Variants in GNA15 observed in about 807,000 individuals in gnomAD.
GNA15 encodes the protein G protein subunit alpha 15, also known as guanine nucleotide-binding protein subunit alpha-15.
A neutral mutation model predicts 40.1 loss-of-function variants in GNA15; 23 were observed. That is an observed-to-expected ratio of 0.57 (90% CI 0.41 to 0.81). GNA15 has a LOEUF of 0.81. GNA15 is among the 40% of genes least tolerant of loss of function. The probability of loss-of-function intolerance (pLI) is 0.00; values close to 1 mark genes in which losing one functional copy is unlikely to be tolerated. For synonymous variants in GNA15, 226 were observed against 210.4 expected (o/e 1.07, Z -0.64); for missense variants, 522 against 515.8 (o/e 1.01, Z -0.12).
rs557123786 is a variant in GNA15 at position 3,151,071 on chromosome 19, G to A, written c.486-636G>A. 6.6e-6 allele frequency among the ~76,000 whole-genome samples: 1 copy of A among 151,572 alleles called. No individual in the cohort carries two copies. The highest frequency in any genetic ancestry group is 1.9e-4 in the East Asian group (1 of 5,152). The stretch of plus-strand genomic sequence containing the variant: ...CTGTTCCTGGGGGGACCTTGTTCCT[G>A]GGGGAACCCTATTCCTAGAGAACCC... On this transcript the variant is annotated intron_variant, in intron 3 of 6. Transcript: ENST00000262958. The surrounding 1 kb of genome is among the most constrained non-coding windows in gnomAD (Gnocchi z 5.0).
intron 2 of GNA15, chr19:3,149,014 C>T (rs1914807653): frequency 2.0e-6 from 1 of 512,606 alleles, no homozygotes; most frequent in Admixed American, 3.7e-5. Context: ...TATGCACACG[C>T]ACAGACATGC....
chr19:3,147,353 G>C (rs1914749618), intron 1 of GNA15, among the ~76,000 whole-genome samples: 1 of 149,144 alleles, frequency 6.7e-6, no homozygotes, highest in South Asian at 2.1e-4. Flanking sequence ...AGGAATTTGA[G>C]ACCAGCCTGG....
rs1296787847 is a variant in GNA15, at chr19:3,155,752, C to T, written c.615-71C>T. The T allele has an allele frequency of 3.9e-6, 6 of 1,544,970 alleles. No homozygotes were observed. The highest frequency in any genetic ancestry group is 1.7e-4 in the Middle Eastern group (1 of 5,834). Reference sequence around the variant, plus strand: ...ATTATGGATCTTGGCATATCCCAGACGTGATGGGGGTTGGGGGTGTCACGG... The same window carrying T: ...ATTATGGATCTTGGCATATCCCAGATGTGATGGGGGTTGGGGGTGTCACGG... On this transcript the variant is annotated intron_variant, in intron 4 of 6. Transcript: ENST00000262958. This position sits in a 1 kb window ranked among gnomAD's most constrained non-coding sequence, Gnocchi z 5.6.
intron 2 of GNA15, chr19:3,149,660 G>T (rs951943921): frequency 6.2e-6 from 1 of 161,794 alleles, no homozygotes; most frequent in East Asian, 1.9e-4. Flanking sequence ...GCGAGTGCCT[G>T]GGGGGAGCTA....
At chr19:3,137,008 G>A (rs549967538) in intron 1 of GNA15, among the ~76,000 whole-genome samples, 3 of 152,228 alleles carry the variant, frequency 2.0e-5, no homozygotes, top group South Asian at 4.1e-4. Context: ...TCACCAGGAC[G>A]CTCCCTCTCG....
chr19:3,156,387 A>G (rs1463939291), intron 5 of GNA15, among the ~76,000 whole-genome samples: 1 of 151,300 alleles, frequency 6.6e-6, no homozygotes, highest in Non-Finnish European at 1.5e-5. Context: ...CACGTGCACA[A>G]TACACGCATA....
chr19:3,157,578 T>A, intron 5 of GNA15, 150 bp from the exon 6 acceptor site: 1 of 651,608 alleles, frequency 1.5e-6, no homozygotes, highest in Non-Finnish European at 2.7e-6. Flanking sequence ...GCTGTCCATA[T>A]GGAAACACGG....
chr19:3,140,147 A>G lies in GNA15; in HGVS notation c.145+3552A>G, dbSNP rs550974037. On this transcript the variant is annotated intron_variant, in intron 1 of 6. Transcript: ENST00000262958. ...ATGACGTATCATATCGATATGTCTT[A>G]TTATTTTAAATAAATAGGGCTACTT... Among the ~76,000 whole-genome samples, 4 of 151,478 alleles carry G rather than the reference A, an allele frequency of 2.6e-5. 1 individual carries two copies. The South Asian group carries it at 8.3e-4, about 32-fold the overall frequency.
At chr19:3,138,004 C>T (rs888838702) in intron 1 of GNA15, among the ~76,000 whole-genome samples, 2 of 152,072 alleles carry the variant, frequency 1.3e-5, no homozygotes, top group Admixed American at 1.3e-4. Flanking sequence ...TAAATCATGC[C>T]TGTAATCCCA....
rs144051973 is a variant in GNA15 at position 3,162,990 on chromosome 19, C to A, written c.1096C>A (p.Arg366Ser). 6.2e-7 allele frequency: 1 copy of A among 1,613,528 alleles called. No homozygotes were observed. Among genetic ancestry groups the A allele is most frequent in the Non-Finnish European group, 8.5e-7 (1 of 1,179,678 alleles). The part of the protein sequence containing the change: ...FKDVRDSVLA[R>S]YLDEINLL ...GGACGTGCGGGACTCGGTGCTCGCC[C>A]GCTACCTGGACGAGATCAACCTGCT... The change falls in exon 7 of 7, where the codon CGC becomes AGC. Residue 366 changes from arginine to serine, a missense_variant. Transcript: ENST00000262958.
At position 3,136,593 on chromosome 19, in the gene GNA15, T is replaced by G. The variant is rs1347269720; in HGVS notation, c.143T>G (p.Leu48Trp). 6.5e-7 allele frequency: 1 copy of G among 1,546,430 alleles called. No individual in the cohort carries two copies. The highest frequency in any genetic ancestry group is 8.7e-7 in the Non-Finnish European group (1 of 1,144,682). Residue 48 changes from leucine to tryptophan, a missense_variant and splice_region_variant, in exon 1 of 7, where the codon TTG (leucine) becomes TGG (tryptophan). Physicochemically the swap from Leu to Trp is moderately conservative, Grantham distance 61. Coordinates refer to ENST00000262958, the MANE Select transcript of GNA15 (RefSeq NM_002068.4). The surrounding 1 kb of genome is among the most constrained non-coding windows in gnomAD (Gnocchi z 4.9). ...CGCGGGGAGCTGAAGCTGCTGCTTT[T>G]GGGTGAGTCCAGGGTCGGTGGGCGG... ...QDRGELKLLL[L>W]GPGESGKSTF...
intron 1 of GNA15, among the ~76,000 whole-genome samples, chr19:3,140,407 G>A (rs1207619496): frequency 6.6e-6 from 1 of 151,980 alleles, no homozygotes; most frequent in Non-Finnish European, 1.5e-5. Context: ...CACTTTTAGT[G>A]CTCTTTCCTC....
chr19:3,149,415 CAT>C (rs1175389670), intron 2 of GNA15: 5 of 157,732 alleles, frequency 3.2e-5, no homozygotes, highest in African/African-American at 2.4e-5. Flanking sequence ...CATGCACGCA[CAT>C]GTGTGCACAC....
intron 2 of GNA15, chr19:3,149,788 C>T (rs1393906051): frequency 9.4e-6 from 2 of 212,878 alleles, no homozygotes; most frequent in Non-Finnish European, 1.9e-5. Flanking sequence ...TTAGTCGCTT[C>T]ATCTGTGGAA....
chr19:3,162,816 G>T lies in GNA15; in HGVS notation c.922G>T (p.Ala308Ser). 1 of 1,613,840 alleles carries T rather than the reference G, an allele frequency of 6.2e-7. No individual in the cohort carries two copies. Residue 308 changes from alanine (A) to serine (S), a missense_variant, in exon 7 of 7, where the codon GCC becomes TCC. Transcript: ENST00000262958. ...AGGCCCTAAGCAGGATGCTGAGGCA[G>T]CCAAGAGGTTCATCCTGGACATGTA... ...FQGPKQDAEA[A>S]KRFILDMYTR...
chr19:3,146,947 C>A (rs963168677), intron 1 of GNA15, among the ~76,000 whole-genome samples: 2 of 152,016 alleles, frequency 1.3e-5, no homozygotes, highest in Non-Finnish European at 2.9e-5. Flanking sequence ...GCCACAAGGG[C>A]CTCCTCACTG....
At position 3,136,547 on chromosome 19, in the gene GNA15, T is replaced by C. The variant is rs1443851118; in HGVS notation, c.97T>C (p.Leu33=). 5.1e-6 allele frequency: 8 copies of C among 1,569,568 alleles called. No homozygotes were observed. The highest frequency in any genetic ancestry group is 4.7e-5 in the East Asian group (2 of 42,530). ...GGACCAGGAGATCAACAGGATCCTC[T>C]TGGAGCAGAAGAAGCAGGACCGCGG... ...RVDQEINRIL[L]EQKKQDRGEL... The change falls in exon 1 of 7, where the codon TTG becomes CTG. Residue 33 remains leucine, a synonymous_variant. Coordinates refer to ENST00000262958, the MANE Select transcript of GNA15 (RefSeq NM_002068.4). This position sits in a 1 kb window ranked among gnomAD's most constrained non-coding sequence, Gnocchi z 4.9.
intron 6 of GNA15, among the ~76,000 whole-genome samples, chr19:3,160,718 G>C (rs1171525498): frequency 1.3e-5 from 2 of 152,126 alleles, no homozygotes; most frequent in African/African-American, 2.4e-5. Flanking sequence ...TAAGGTATTG[G>C]CAAGGTTGGT....
Position 3,162,950 on chromosome 19 carries a change from C to A in GNA15, c.1056C>A (p.Ile352=), listed in dbSNP as rs1228363341. 6.2e-7 allele frequency: 1 copy of A among 1,614,008 alleles called. No homozygotes were observed. Among genetic ancestry groups the A allele is most frequent in the Non-Finnish European group, 8.5e-7 (1 of 1,179,982 alleles). The change falls in exon 7 of 7, where the codon ATC becomes ATA. Residue 352 remains isoleucine (I), a synonymous_variant. Transcript: ENST00000262958. ...HYTCATDTQN[I]RKVFKDVRDS... ...CATGTGCCACAGACACACAGAACAT[C>A]CGCAAGGTCTTCAAGGACGTGCGGG...
Sources: allele counts gnomAD v4.1 joint callset (sites outside exome capture counted in the v4.1 genomes callset), GRCh38; gene constraint gnomAD v4.1.1; non-coding constraint Gnocchi (gnomAD v3.1); transcripts MANE v1.5; gene names NCBI Gene and HGNC (gene_info 2026-07-23, HGNC 2026-07-21).